The following LINGO2 variants were observed in gnomAD, a reference collection of about 807,000 sequenced individuals.
The protein encoded by LINGO2 is leucine rich repeat and Ig domain containing 2.
LINGO2 carries 14 observed loss-of-function variants against 30.6 expected under a neutral mutation model. The observed-to-expected ratio is 0.46, with a 90% CI of 0.30 to 0.72. The LOEUF is 0.72. Among genes scored for constraint, LINGO2 ranks in the 30% least tolerant of loss-of-function variants. LINGO2 has a pLI of 0.07. For missense variants in LINGO2, 729 were observed against 751.7 expected, an observed-to-expected ratio of 0.97 and a Z score of 0.35; for synonymous variants, 317 against 288.5, an observed-to-expected ratio of 1.10 and a Z score of -1.00.
intron 4 of LINGO2, among the ~76,000 whole-genome samples, chr9:28,032,503 G>C (rs1032074778): frequency 6.6e-6 from 1 of 152,208 alleles, no homozygotes; most frequent in African/African-American, 2.4e-5. Flanking sequence ...CAGCTTAAGA[G>C]AACCAGGTGC....
At position 28,561,749 on chromosome 9, in the gene LINGO2, G is replaced by GTATATATATA. The variant is rs1554637723; in HGVS notation, c.-364-85734_-364-85725dup. Among the ~76,000 whole-genome samples, 9 of 48,754 alleles carry GTATATATATA rather than the reference G, an allele frequency of 1.8e-4. 1 individual carries two copies. The highest frequency in any genetic ancestry group is 5.6e-4 in the East Asian group (1 of 1,784). 32.0% of individuals were successfully genotyped at this position (48,754 alleles called of 152,430 possible). A position where few individuals can be genotyped will look rare whatever the true frequency, so the allele number is the denominator to read the frequency against. On this transcript the variant is annotated intron_variant, in intron 1 of 5. Transcript: ENST00000379992. The stretch of plus-strand genomic sequence containing the variant: ...TATATATAATTTTGTGTGTGTGTGT[G>GTATATATATA]TATATATATATATATATATATATAT...
intron 1 of LINGO2, among the ~76,000 whole-genome samples, chr9:28,586,488 C>A (rs1824547622): frequency 6.6e-6 from 1 of 151,956 alleles, no homozygotes; most frequent in Non-Finnish European, 1.5e-5. Context: ...ATAATCATAT[C>A]ATAATATTGA....
At chr9:28,984,314 T>C in the LINGO2 span, among the ~76,000 whole-genome samples, 1 of 152,088 alleles carries the variant, frequency 6.6e-6, no homozygotes, top group Non-Finnish European at 1.5e-5. Context: ...ATAAAAGACT[T>C]CCCATAGTGG....
chr9:28,516,590 G>C (rs1403607773), intron 1 of LINGO2, among the ~76,000 whole-genome samples: 4 of 152,098 alleles, frequency 2.6e-5, no homozygotes, highest in African/African-American at 9.7e-5. Flanking sequence ...CTAAATAGGT[G>C]ATGCCAATAA....
intron 4 of LINGO2, among the ~76,000 whole-genome samples, chr9:28,055,826 C>A (rs1002979896): frequency 6.6e-6 from 1 of 152,106 alleles, no homozygotes; most frequent in Non-Finnish European, 1.5e-5. Flanking sequence ...CTAAAAAAGT[C>A]TTCTTGCTTA....
the LINGO2 span, among the ~76,000 whole-genome samples, chr9:28,911,480 A>G: frequency 2.0e-5 from 3 of 152,010 alleles, no homozygotes; most frequent in Non-Finnish European, 4.4e-5. Flanking sequence ...TTTTCCTACT[A>G]TCTAGAAAGA....
intron 5 of LINGO2, among the ~76,000 whole-genome samples, chr9:27,996,028 GA>G (rs560435584): frequency 2.6e-5 from 4 of 151,560 alleles, no homozygotes; most frequent in African/African-American, 9.7e-5. Context: ...TGCAGTAAAT[GA>G]AAAAAAATGC....
rs546330297 is a variant in LINGO2 at position 27,970,337 on chromosome 9, T to A, written c.-35-19631A>T. ...TTAGGCTCGGGGGATCTGTTATAAA[T>A]ACTCTTGTCTCAGATATTGCTCTGA... On this transcript the variant is annotated intron_variant, in intron 5 of 5. Transcript: ENST00000379992. 6.5e-4 allele frequency among the ~76,000 whole-genome samples: 99 copies of A among 152,288 alleles called. 1 individual carries two copies. The highest frequency in any genetic ancestry group is 2.3e-3 in the African/African-American group (96 of 41,542).
chr9:28,366,194 TGAA>T (rs1045120272), intron 3 of LINGO2, among the ~76,000 whole-genome samples: 5 of 152,168 alleles, frequency 3.3e-5, no homozygotes, highest in African/African-American at 1.2e-4. Context: ...GTTGCATCTG[TGAA>T]GAAGAAGCAG....
At chr9:29,059,286 G>A in the LINGO2 span, among the ~76,000 whole-genome samples, 15 of 150,810 alleles carry the variant, frequency 9.9e-5, no homozygotes, top group South Asian at 8.4e-4. Flanking sequence ...AAATGTATAC[G>A]GAAATAAAAA....
At chr9:29,141,873 G>T in the LINGO2 span, among the ~76,000 whole-genome samples, 1 of 151,782 alleles carries the variant, frequency 6.6e-6, no homozygotes, top group Non-Finnish European at 1.5e-5. Flanking sequence ...AATAATAAAT[G>T]TATATGCACT....
At chr9:29,206,611 A>G in the LINGO2 span, among the ~76,000 whole-genome samples, 1 of 152,142 alleles carries the variant, frequency 6.6e-6, no homozygotes, top group African/African-American at 2.4e-5. Flanking sequence ...CCTACTCTGA[A>G]TTGCCTGGTG....
At chr9:28,291,522 G>GT (rs919721538) in intron 4 of LINGO2, among the ~76,000 whole-genome samples, 6 of 152,050 alleles carry the variant, frequency 3.9e-5, no homozygotes, top group African/African-American at 7.2e-5. Flanking sequence ...GCTGCCAAGA[G>GT]TTTTTTTAAA....
chr9:28,842,504 A>G, the LINGO2 span, among the ~76,000 whole-genome samples: 1 of 151,874 alleles, frequency 6.6e-6, no homozygotes, highest in Non-Finnish European at 1.5e-5. Flanking sequence ...AGGCACAGAA[A>G]TGAGATCTTA....
chr9:28,579,239 C>T (rs771135674), intron 1 of LINGO2, among the ~76,000 whole-genome samples: 8 of 152,020 alleles, frequency 5.3e-5, no homozygotes, highest in Non-Finnish European at 1.2e-4. Flanking sequence ...TTCTAGGCCT[C>T]CACGTGAGGC....
At chr9:28,964,921 A>C in the LINGO2 span, among the ~76,000 whole-genome samples, 5 of 151,970 alleles carry the variant, frequency 3.3e-5, no homozygotes, top group East Asian at 9.6e-4. Flanking sequence ...GTGCAGTTTC[A>C]GAACTTTTAC....
rs1324728127 is a variant in LINGO2 at position 28,309,751 on chromosome 9, A to T, written c.-245-14385T>A. Among the ~76,000 whole-genome samples the T allele has an allele frequency of 2.0e-5, 3 of 152,056 alleles. No homozygotes were observed. The East Asian group carries it at 5.8e-4, about 29-fold the overall frequency. ...AAAGAAAAGCCACAAACCAGGGGAAAATATATGCAAGTTACATAAAAAACT... is the reference window on the plus strand; with the variant it reads ...AAAGAAAAGCCACAAACCAGGGGAATATATATGCAAGTTACATAAAAAACT... On this transcript the variant is annotated intron_variant, in intron 3 of 5. Coordinates refer to ENST00000379992, the Ensembl canonical transcript of LINGO2.
rs556455813 is a variant in LINGO2 at position 28,173,692 on chromosome 9, C to T, written c.-87+121516G>A. Among the ~76,000 whole-genome samples the T allele has an allele frequency of 5.9e-5, 9 of 152,246 alleles. No individual in the cohort carries two copies. The South Asian group carries it at 6.2e-4, about 11-fold the overall frequency. ...ACTGTCTTTGTGACCAAGAATGGAA[C>T]GGTTATAAGAATGTTTGTTTCACTG... On this transcript the variant is annotated intron_variant, in intron 4 of 5. Coordinates refer to ENST00000379992, the Ensembl canonical transcript of LINGO2.
chr9:28,648,232 A>C (rs1028620480), intron 1 of LINGO2, among the ~76,000 whole-genome samples: 1 of 152,114 alleles, frequency 6.6e-6, no homozygotes, highest in Non-Finnish European at 1.5e-5. Flanking sequence ...TATAATATGT[A>C]ATCCATTCAA....
Sources: allele counts gnomAD v4.1 joint callset (sites outside exome capture counted in the v4.1 genomes callset), GRCh38; gene constraint gnomAD v4.1.1; transcripts MANE v1.5; gene names NCBI Gene and HGNC (gene_info 2026-07-23, HGNC 2026-07-21).